CCDC81: variants seen among roughly 807,000 people sequenced by gnomAD.
CCDC81 encodes the protein coiled-coil domain containing 81.
In CCDC81, 79 loss-of-function variants were observed where a neutral mutation model predicts 83.7. That is an observed-to-expected ratio of 0.94 (90% confidence interval 0.79 to 1.14). The LOEUF (loss-of-function observed/expected upper bound fraction) is 1.14, where lower values mean the gene tolerates loss of function less well. Ranked by LOEUF, CCDC81 falls within the 50% of genes most tolerant of loss-of-function variation. CCDC81 has a pLI of 0.00. For synonymous variants in CCDC81, 252 were observed against 278.1 expected (o/e 0.91, Z 0.93); for missense variants, 791 against 778.1 (o/e 1.02, Z -0.20).
At chr11:86,400,159 G>T in intron 6 of CCDC81, among the ~76,000 whole-genome samples, 1 of 150,898 alleles carries the variant, frequency 6.6e-6, no homozygotes. Flanking sequence ...GAAAAAGACT[G>T]CAACATTTAT....
At chr11:86,421,205 T>G (rs1459510899) in intron 14 of CCDC81, among the ~76,000 whole-genome samples, 2 of 152,220 alleles carry the variant, frequency 1.3e-5, no homozygotes, top group Non-Finnish European at 2.9e-5. Context: ...AAAGTCCATA[T>G]GTATGCAGTT....
At position 86,375,234 on chromosome 11, in the gene CCDC81, G is replaced by C; in HGVS notation, c.71G>C (p.Ser24Thr). Residue 24 changes from serine (S) to threonine (T), a missense_variant, in exon 1 of 15, where the codon AGC becomes ACC. Coordinates refer to ENST00000445632, the MANE Select transcript of CCDC81 (RefSeq NM_001156474.2). Reference sequence around the variant, plus strand: ...GTGCTGCCCACTCTGCCCTCGCTGAGCCAGGAGGGTAAGCGTGTTGGGTAG... The same window carrying C: ...GTGCTGCCCACTCTGCCCTCGCTGACCCAGGAGGGTAAGCGTGTTGGGTAG... ...RQVLPTLPSLSQEEVSIIWGN... is the reference protein window; with the variant it reads ...RQVLPTLPSLTQEEVSIIWGN... 6.2e-7 allele frequency: 1 copy of C among 1,610,388 alleles called. No individual in the cohort carries two copies. Among genetic ancestry groups the C allele is most frequent in the Non-Finnish European group, 8.5e-7 (1 of 1,179,666 alleles).
intron 9 of CCDC81, among the ~76,000 whole-genome samples, chr11:86,409,019 T>C (rs1948600961): frequency 6.6e-6 from 1 of 152,162 alleles, no homozygotes; most frequent in Admixed American, 6.5e-5. Flanking sequence ...TTGTGATGAA[T>C]TCTTCCATTC....
intron 3 of CCDC81, among the ~76,000 whole-genome samples, chr11:86,388,566 A>T (rs542199254): frequency 6.6e-6 from 1 of 152,332 alleles, no homozygotes; most frequent in African/African-American, 2.4e-5. Context: ...TAATTTTCAG[A>T]GTCACTTGAG....
At chr11:86,386,840 G>A (rs948445872) in intron 2 of CCDC81, among the ~76,000 whole-genome samples, 4 of 152,126 alleles carry the variant, frequency 2.6e-5, no homozygotes, top group South Asian at 2.1e-4. Context: ...CCATTGCTAC[G>A]TGGTGACACA....
intron 13 of CCDC81, chr11:86,419,631 A>T (rs1267067583): frequency 9.6e-6 from 2 of 207,994 alleles, no homozygotes; most frequent in African/African-American, 4.6e-5. Flanking sequence ...TTCTTCAGAT[A>T]AGTTAAATTA....
intron 1 of CCDC81, among the ~76,000 whole-genome samples, chr11:86,381,560 C>T (rs1948177018): frequency 6.6e-6 from 1 of 152,136 alleles, no homozygotes; most frequent in Non-Finnish European, 1.5e-5. Flanking sequence ...AGTTTTCTTA[C>T]CCAGCATTGG....
chr11:86,415,378 T>A, intron 13 of CCDC81, 65 bp downstream of exon 13: 1 of 1,295,580 alleles, frequency 7.7e-7, no homozygotes, highest in Non-Finnish European at 1.1e-6. Flanking sequence ...TTTATCTCTC[T>A]TTTTCCACCC....
At chr11:86,376,604 A>T (rs960733983) in intron 1 of CCDC81, among the ~76,000 whole-genome samples, 1 of 152,182 alleles carries the variant, frequency 6.6e-6, no homozygotes, top group Non-Finnish European at 1.5e-5. Flanking sequence ...CCAGGATCCA[A>T]TCCCCTCCCA....
In CCDC81 at chr11:86,387,616, TG is replaced by T; in HGVS notation, c.244del (p.Val82TrpfsTer4). ...FILIQRPVFI[M>X]VEKLVQIHGL... is the part of the protein sequence containing the mutation. ...TTAATCCAGAGGCCTGTGTTTATCA[TG>T]GTGGAGAAGCTAGTGCAGATTCATG... On this transcript the variant is annotated frameshift_variant, in exon 3 of 15. Transcript: ENST00000445632. LOFTEE classifies it high-confidence loss of function. 6.2e-7 allele frequency: 1 copy of T among 1,611,788 alleles called. No individual in the cohort carries two copies. Among genetic ancestry groups the T allele is most frequent in the East Asian group, 2.2e-5 (1 of 44,856 alleles).
chr11:86,382,325 C>G (rs570142440), intron 1 of CCDC81, among the ~76,000 whole-genome samples: 1 of 151,994 alleles, frequency 6.6e-6, no homozygotes, highest in South Asian at 2.1e-4. Flanking sequence ...AGTAGAAATG[C>G]AGAGGAATGC....
At chr11:86,377,590 A>G (rs1246558197) in intron 1 of CCDC81, among the ~76,000 whole-genome samples, 3 of 152,090 alleles carry the variant, frequency 2.0e-5, no homozygotes, top group East Asian at 3.8e-4. Flanking sequence ...TCATTTTTTG[A>G]TGAGATATAT....
rs1357272191 is a variant in CCDC81 at position 86,385,204 on chromosome 11, A to G, written c.80-847A>G. Among the ~76,000 whole-genome samples the G allele has an allele frequency of 2.0e-5, 3 of 152,092 alleles. No homozygotes were observed. The East Asian group carries it at 5.9e-4, about 30-fold the overall frequency. On this transcript the variant is annotated intron_variant, in intron 1 of 14. Coordinates refer to ENST00000445632, the MANE Select transcript of CCDC81 (RefSeq NM_001156474.2). ...GGAGTTGGAGACCAGCCTGGCCAAC[A>G]TGGCGAAACCCTGTCTCTACTAAAA...
chr11:86,398,790 C>A (rs1353321599), intron 6 of CCDC81, among the ~76,000 whole-genome samples: 2 of 152,122 alleles, frequency 1.3e-5, no homozygotes, highest in African/African-American at 4.8e-5. Context: ...CCAGGCTGGT[C>A]TCAAACTCCT....
chr11:86,401,988 A>G (rs1472707722), intron 7 of CCDC81, among the ~76,000 whole-genome samples: 1 of 151,714 alleles, frequency 6.6e-6, no homozygotes, highest in African/African-American at 2.4e-5. Context: ...AAAAAAAATT[A>G]CCCGGGTGTG....
intron 7 of CCDC81, among the ~76,000 whole-genome samples, chr11:86,405,159 A>G (rs1423963744): frequency 6.6e-6 from 1 of 152,158 alleles, no homozygotes; most frequent in Admixed American, 6.5e-5. Context: ...ATTTTTCAGT[A>G]ATTACATCAA....
chr11:86,403,798 C>G (rs1212097935), intron 7 of CCDC81, among the ~76,000 whole-genome samples: 1 of 152,088 alleles, frequency 6.6e-6, no homozygotes, highest in Non-Finnish European at 1.5e-5. Context: ...ATAGGACTTT[C>G]ATTGTTTAAC....
At chr11:86,395,243 T>C (rs1198800475) in intron 4 of CCDC81, 91 bp from the exon 5 acceptor site, 2 of 900,080 alleles carry the variant, frequency 2.2e-6, no homozygotes, top group Non-Finnish European at 1.8e-6. Context: ...AAAAGTATCG[T>C]GGTAGCCTTG....
chr11:86,419,735 A>T (rs1383307275), intron 13 of CCDC81, 193 bp from the exon 14 acceptor site: 3 of 444,742 alleles, frequency 6.7e-6, no homozygotes, highest in African/African-American at 4.0e-5. Context: ...AAGATAAAAG[A>T]CCTTTGATCC....
Sources: allele counts gnomAD v4.1 joint callset (sites outside exome capture counted in the v4.1 genomes callset), GRCh38; gene constraint gnomAD v4.1.1; transcripts MANE v1.5; gene names NCBI Gene and HGNC (gene_info 2026-07-23, HGNC 2026-07-21).